The following CACNA2D2 variants were observed in gnomAD, a reference collection of about 807,000 sequenced individuals.
The protein encoded by CACNA2D2 is calcium voltage-gated channel auxiliary subunit alpha2delta 2.
A neutral mutation model predicts 166.4 loss-of-function variants in CACNA2D2; 48 were observed. The ratio of observed to expected loss-of-function variants is 0.29; its 90% CI spans 0.23 to 0.37. The LOEUF (loss-of-function observed/expected upper bound fraction) is 0.37, where lower values mean the gene tolerates loss of function less well. Among genes scored for constraint, CACNA2D2 ranks in the 10% least tolerant of loss-of-function variants. The pLI is 1.00. For synonymous variants in CACNA2D2, 561 were observed against 573.7 expected, an observed-to-expected ratio of 0.98 and a Z score of 0.32; for missense variants, 1,122 against 1,433.0, an observed-to-expected ratio of 0.78 and a Z score of 3.50.
intron 2 of CACNA2D2, among the ~76,000 whole-genome samples, chr3:50,457,611 C>T (rs551333516): frequency 6.6e-6 from 1 of 152,288 alleles, no homozygotes; most frequent in South Asian, 2.1e-4. Flanking sequence ...CTTGCTCCAG[C>T]CTTTAGCCCC....
chr3:50,463,436 C>A (rs1446627566), intron 2 of CACNA2D2, among the ~76,000 whole-genome samples: 1 of 152,156 alleles, frequency 6.6e-6, no homozygotes, highest in Non-Finnish European at 1.5e-5. Context: ...GTGGCTGGGA[C>A]CACAGGTGCA....
rs1704959001 is a variant in CACNA2D2, at chr3:50,375,943, T to C, written c.1773+20A>G. 4 of 1,575,364 alleles carry C rather than the reference T, an allele frequency of 2.5e-6. No individual in the cohort carries two copies. Among genetic ancestry groups the C allele is most frequent in the East Asian group, 2.2e-5 (1 of 44,874 alleles). On this transcript the variant is annotated intron_variant, in intron 19 of 37. Transcript: ENST00000424201. The surrounding 1 kb of genome is among the most constrained non-coding windows in gnomAD (Gnocchi z 4.0). ...ACTCCTCTGCTCTGTCCCCCACCCC[T>C]GTTCTCCTCCTCTCCTTACCTCTTC...
At chr3:50,424,130 C>T (rs917062543) in intron 3 of CACNA2D2, among the ~76,000 whole-genome samples, 2 of 152,202 alleles carry the variant, frequency 1.3e-5, no homozygotes, top group African/African-American at 4.8e-5. Context: ...CTCAGTGCTG[C>T]TCAAGTGTGA....
At chr3:50,384,646 A>G (rs1189387643) in intron 5 of CACNA2D2, among the ~76,000 whole-genome samples, 1 of 152,188 alleles carries the variant, frequency 6.6e-6, no homozygotes, top group Non-Finnish European at 1.5e-5. Flanking sequence ...TTGAAAACCA[A>G]TTAGGAAAGG....
chr3:50,450,891 C>T (rs1709067820), intron 2 of CACNA2D2, among the ~76,000 whole-genome samples: 1 of 152,180 alleles, frequency 6.6e-6, no homozygotes, highest in Non-Finnish European at 1.5e-5. Flanking sequence ...GGGGCTCTGA[C>T]CCTGTGCCAG....
chr3:50,377,116 T>G (rs925299695), intron 17 of CACNA2D2, among the ~76,000 whole-genome samples: 1 of 152,238 alleles, frequency 6.6e-6, no homozygotes, highest in Non-Finnish European at 1.5e-5. Flanking sequence ...ATGTGAAAAT[T>G]ATCTGAAATT....
intron 1 of CACNA2D2, among the ~76,000 whole-genome samples, chr3:50,498,352 G>A (rs1401357355): frequency 1.3e-5 from 2 of 152,044 alleles, no homozygotes; most frequent in Non-Finnish European, 2.9e-5. Flanking sequence ...CCTCAGACCT[G>A]GCAAAACTGC....
rs528819350 is a variant in CACNA2D2, at chr3:50,427,138, G to A, written c.405+7175C>T. Among the ~76,000 whole-genome samples, 3 of 152,192 alleles carry A rather than the reference G, an allele frequency of 2.0e-5. No homozygotes were observed. Among genetic ancestry groups the A allele is most frequent in the Non-Finnish European group, 4.4e-5 (3 of 68,044 alleles). On this transcript the variant is annotated intron_variant, in intron 3 of 37. Transcript: ENST00000424201. The surrounding 1 kb of genome is among the most constrained non-coding windows in gnomAD (Gnocchi z 4.7). ...CTTCCGCAGACATCCAGGCCACCTC[G>A]TCCAAGGAGCCCTCTCTGACTCCCA...
At chr3:50,452,106 T>G (rs1709128389) in intron 2 of CACNA2D2, among the ~76,000 whole-genome samples, 1 of 152,190 alleles carries the variant, frequency 6.6e-6, no homozygotes, top group African/African-American at 2.4e-5. Context: ...CGAGCAGATG[T>G]GGCTCCACTG....
chr3:50,424,741 C>A (rs563526196), intron 3 of CACNA2D2, among the ~76,000 whole-genome samples: 2 of 152,292 alleles, frequency 1.3e-5, no homozygotes, highest in African/African-American at 4.8e-5. Flanking sequence ...AGCAACGGAA[C>A]CTGAGGCACC....
intron 1 of CACNA2D2, among the ~76,000 whole-genome samples, chr3:50,497,089 G>A (rs1698755599): frequency 6.6e-6 from 1 of 152,182 alleles, no homozygotes; most frequent in Non-Finnish European, 1.5e-5. Context: ...CTGAAAAGCA[G>A]CCATGAGACA....
intron 3 of CACNA2D2, among the ~76,000 whole-genome samples, chr3:50,405,573 G>A (rs1441112699): frequency 6.6e-6 from 1 of 152,226 alleles, no homozygotes. Context: ...GAGTAATGGT[G>A]ACAGTGACAG....
At chr3:50,463,221 G>A (rs1709671576) in intron 2 of CACNA2D2, among the ~76,000 whole-genome samples, 1 of 152,176 alleles carries the variant, frequency 6.6e-6, no homozygotes, top group Admixed American at 6.5e-5. Flanking sequence ...CAAGTTGAGG[G>A]ACAGCAGCCA....
In CACNA2D2 at chr3:50,488,844, C is replaced by T. The variant is rs145764797; in HGVS notation, c.207-12645G>A. Among the ~76,000 whole-genome samples the T allele has an allele frequency of 1.3e-3, 193 of 152,110 alleles. 1 individual carries two copies. The highest frequency in any genetic ancestry group is 4.3e-3 in the African/African-American group (178 of 41,518). ...CCTCCCGAGTACCTGGGACTACGGG[C>T]GCCCACCACCACACCTGGCTAATTT... On this transcript the variant is annotated intron_variant, in intron 1 of 37. Transcript: ENST00000424201.
rs527846006 is a variant in CACNA2D2 at position 50,502,344 on chromosome 3, A to C, written c.206+874T>G. 4.3e-4 allele frequency among the ~76,000 whole-genome samples: 65 copies of C among 152,312 alleles called. 1 individual carries two copies. The highest frequency in any genetic ancestry group is 1.5e-3 in the African/African-American group (62 of 41,566). On this transcript the variant is annotated intron_variant, in intron 1 of 37. Transcript: ENST00000424201. The stretch of plus-strand genomic sequence containing the variant: ...CTGGGCACTGACATAGGGCTGAAGC[A>C]CAGTGTCAGGAAACTGATACGTCCT...
chr3:50,374,656 C>T (rs945910457), intron 22 of CACNA2D2, 81 bp downstream of exon 22: 47 of 1,493,354 alleles, frequency 3.1e-5, no homozygotes, highest in African/African-American at 1.8e-4. Flanking sequence ...CGGCAAGCGG[C>T]GCTGGCTATG....
intron 2 of CACNA2D2, among the ~76,000 whole-genome samples, chr3:50,436,180 T>TG (rs1708310994): frequency 6.6e-6 from 1 of 151,128 alleles, no homozygotes; most frequent in Non-Finnish European, 1.5e-5. Context: ...CATTCTGGGG[T>TG]GTGTGGCCAT....
intron 23 of CACNA2D2, among the ~76,000 whole-genome samples, chr3:50,369,825 A>C (rs2071804): frequency 0.088 from 13,306 of 152,026 alleles, 1,904 homozygotes; most frequent in East Asian, 0.61. Flanking sequence ...CTCCTCCCCC[A>C]ACCCCCCAAG....
At chr3:50,474,682 T>C (rs1394452552) in intron 2 of CACNA2D2, among the ~76,000 whole-genome samples, 1 of 152,190 alleles carries the variant, frequency 6.6e-6, no homozygotes, top group Non-Finnish European at 1.5e-5. Flanking sequence ...TGTCCCGATA[T>C]GAAACTTGGA....
Sources: allele counts gnomAD v4.1 joint callset (sites outside exome capture counted in the v4.1 genomes callset), GRCh38; gene constraint gnomAD v4.1.1; non-coding constraint Gnocchi (gnomAD v3.1); transcripts MANE v1.5; gene names NCBI Gene and HGNC (gene_info 2026-07-23, HGNC 2026-07-21).